Variants in CILK1 observed in about 807,000 individuals in gnomAD.
The protein encoded by CILK1 is serine/threonine-protein kinase ICK.
A neutral mutation model predicts 79.2 loss-of-function variants in CILK1; 47 were observed. That is an observed-to-expected ratio of 0.59 (90% CI 0.47 to 0.76). CILK1 has a LOEUF of 0.76. Among genes scored for constraint, CILK1 ranks in the 30% least tolerant of loss-of-function variants. The pLI is 0.00. For missense variants in CILK1, 660 were observed against 769.5 expected, an observed-to-expected ratio of 0.86 and a Z score of 1.68; for synonymous variants, 266 against 275.9, an observed-to-expected ratio of 0.96 and a Z score of 0.36.
rs1282207699 is a variant in CILK1, at chr6:53,032,718, A to G, written c.157-64T>C. On this transcript the variant is annotated intron_variant, in intron 3 of 13. Transcript: ENST00000676107. ...TAGAGAAAATCTGTTGTTGAAAAAG[A>G]AAAGTAATCCTATGTATACTTGGAA... is the stretch of plus-strand genomic sequence containing the variant. The G allele has an allele frequency of 4.4e-6, 6 of 1,369,990 alleles. No individual in the cohort carries two copies. The East Asian group carries it at 1.2e-4, about 27-fold the overall frequency. 84.9% of individuals were successfully genotyped at this position (1,369,990 alleles called of 1,614,324 possible). A position where few individuals can be genotyped will look rare whatever the true frequency, so the allele number is the denominator to read the frequency against.
chr6:53,053,549 T>C (rs73443371), intron 1 of CILK1, among the ~76,000 whole-genome samples: 7,482 of 152,222 alleles, frequency 0.049, 459 homozygotes, highest in African/African-American at 0.14. Flanking sequence ...GAGACACAAG[T>C]TACATGTCTA....
intron 1 of CILK1, among the ~76,000 whole-genome samples, chr6:53,052,977 T>G (rs1398707888): frequency 6.7e-6 from 1 of 150,094 alleles, no homozygotes; most frequent in Non-Finnish European, 1.5e-5. Context: ...TGTGCCTTCA[T>G]AGCCACTTGT....
chr6:53,023,265 T>C (rs1182751509), intron 5 of CILK1, among the ~76,000 whole-genome samples: 1 of 152,144 alleles, frequency 6.6e-6, no homozygotes, highest in African/African-American at 2.4e-5. Flanking sequence ...AGAAGCACTT[T>C]AAGGGCAGAG....
At chr6:53,045,828 G>T (rs1024413531) in intron 1 of CILK1, among the ~76,000 whole-genome samples, 55 of 112,944 alleles carry the variant, frequency 4.9e-4, no homozygotes, top group Admixed American at 5.8e-4. Flanking sequence ...AGCTTGATTT[G>T]TCAAAAAAAA....
At chr6:53,035,480 T>C (rs1686598080) in intron 3 of CILK1, among the ~76,000 whole-genome samples, 2 of 152,090 alleles carry the variant, frequency 1.3e-5, no homozygotes, top group South Asian at 2.1e-4. Context: ...TAGAACAGCA[T>C]AGTGCCATGT....
intron 11 of CILK1, among the ~76,000 whole-genome samples, chr6:53,011,435 TA>T (rs1418760763): frequency 2.0e-5 from 3 of 151,990 alleles, no homozygotes; most frequent in South Asian, 4.2e-4. Context: ...CTGTCTCTAC[TA>T]AAAAATACAA....
chr6:53,012,025 C>T lies in CILK1; in HGVS notation c.1343+12G>A, dbSNP rs1165166435. The T allele has an allele frequency of 6.2e-7, 1 of 1,613,838 alleles. No individual in the cohort carries two copies. The highest frequency in any genetic ancestry group is 1.7e-5 in the Admixed American group (1 of 60,032). ...GATTCAGTCTGTTTACAAATGTGAG[C>T]AGCACACTTGCCTGCAGAGAGTGTC... On this transcript the variant is annotated intron_variant, in intron 10 of 13. Transcript: ENST00000676107.
rs1764436702 is a variant in CILK1 at position 53,009,558 on chromosome 6, A to C, written c.1502T>G (p.Ile501Arg). ...KHSRYLPGIS[I>R]RNGILSNPGK... ...TGGATTCGAGAGTATGCCATTTCTT[A>C]TACTGATCCCTGATAGAGAAGAAAT... Residue 501 changes from isoleucine (I) to arginine (R), a missense_variant, in exon 12 of 14, where the codon ATA (isoleucine) becomes AGA (arginine). By Grantham distance (97) the Ile-to-Arg change is moderately conservative (BLOSUM62 -3). Coordinates refer to ENST00000676107, the MANE Select transcript of CILK1 (RefSeq NM_014920.5). 1 of 1,607,132 alleles carries C rather than the reference A, an allele frequency of 6.2e-7. No individual in the cohort carries two copies. Among genetic ancestry groups the C allele is most frequent in the African/African-American group, 1.3e-5 (1 of 74,896 alleles).
At chr6:53,017,056 G>A (rs1319897774) in intron 7 of CILK1, among the ~76,000 whole-genome samples, 5 of 152,316 alleles carry the variant, frequency 3.3e-5, no homozygotes, top group African/African-American at 9.6e-5. Context: ...AGAGAAAAGA[G>A]CATTTATTTA....
chr6:53,047,199 C>T (rs774088933), intron 1 of CILK1, among the ~76,000 whole-genome samples: 10 of 152,150 alleles, frequency 6.6e-5, no homozygotes, highest in Non-Finnish European at 1.2e-4. Context: ...GAGCGTAAAA[C>T]CAATTCAATG....
At chr6:53,026,649 C>T (rs993140069) in intron 5 of CILK1, among the ~76,000 whole-genome samples, 5 of 152,158 alleles carry the variant, frequency 3.3e-5, no homozygotes, top group South Asian at 2.1e-4. Flanking sequence ...AACTCTGATT[C>T]GTAGCAGGGT....
At chr6:53,027,417 G>A (rs1183383352) in intron 5 of CILK1, among the ~76,000 whole-genome samples, 1 of 152,190 alleles carries the variant, frequency 6.6e-6, no homozygotes. Flanking sequence ...GTAGAGCTGT[G>A]TTTTCATTCC....
At position 53,012,038 on chromosome 6, in the gene CILK1, T is replaced by G; in HGVS notation, c.1342A>C (p.Arg448=). 1 of 1,614,026 alleles carries G rather than the reference T, an allele frequency of 6.2e-7. No individual in the cohort carries two copies. The highest frequency in any genetic ancestry group is 8.5e-7 in the Non-Finnish European group (1 of 1,179,824). ...KKRQSDDTLC[R]FESVLDLKPS... is the part of the protein sequence containing the mutation. ...TACAAATGTGAGCAGCACACTTGCC[T>G]GCAGAGAGTGTCATCACTCTGTCTT... is the stretch of plus-strand genomic sequence containing the variant. The change falls in exon 10 of 14, where the codon AGG becomes CGG. Residue 448 remains arginine (R), a splice_region_variant and synonymous_variant. Transcript: ENST00000676107.
At chr6:53,035,533 C>T (rs1299295775) in intron 3 of CILK1, among the ~76,000 whole-genome samples, 3 of 152,138 alleles carry the variant, frequency 2.0e-5, no homozygotes, top group South Asian at 2.1e-4. Context: ...TGCCATTCCC[C>T]GCATGACATC....
rs770762510 is a variant in CILK1 at position 53,016,111 on chromosome 6, T to C, written c.803A>G (p.Asp268Gly). The change falls in exon 8 of 14, where the codon GAT becomes GGT. Residue 268 changes from aspartate to glycine, a missense_variant. Physicochemically the swap from Asp to Gly is moderately conservative, Grantham distance 94. Coordinates refer to ENST00000676107, the MANE Select transcript of CILK1 (RefSeq NM_014920.5). ...ACTAGCTGTTGGTCGTTTCTTGGGA[T>C]CCCACTGAAGCATGTCTCTCAGGAG... ...VQLLRDMLQWDPKKRPTASQA... is the reference protein window; with the variant it reads ...VQLLRDMLQWGPKKRPTASQA... 1.2e-6 allele frequency: 2 copies of C among 1,614,010 alleles called. No homozygotes were observed. The highest frequency in any genetic ancestry group is 2.7e-5 in the African/African-American group (2 of 74,926).
intron 9 of CILK1, among the ~76,000 whole-genome samples, chr6:53,013,329 G>A (rs1384236599): frequency 1.3e-5 from 2 of 152,208 alleles, no homozygotes; most frequent in African/African-American, 4.8e-5. Flanking sequence ...AGGAAAATGA[G>A]GAGCAGAGAA....
At chr6:53,010,071 T>C (rs1395548464) in intron 11 of CILK1, among the ~76,000 whole-genome samples, 2 of 152,178 alleles carry the variant, frequency 1.3e-5, no homozygotes, top group Non-Finnish European at 2.9e-5. Flanking sequence ...TCCTTCTCCT[T>C]CTTCCCCTAC....
In CILK1 at chr6:53,011,962, G is replaced by C. The variant is rs187350551; in HGVS notation, c.1344-45C>G. 6 of 1,613,702 alleles carry C rather than the reference G, an allele frequency of 3.7e-6. No individual in the cohort carries two copies. In the African/African-American group the frequency reaches 5.3e-5, roughly 14 times the overall value. On this transcript the variant is annotated intron_variant, in intron 10 of 13. Transcript: ENST00000676107. ...CTTGGGTCAGCACGAGAGACAGTAT[G>C]TATTCTCGGATATGTACCCATAATC...
intron 3 of CILK1, 49 bp downstream of exon 3, chr6:53,037,890 A>C: frequency 9.1e-7 from 1 of 1,099,034 alleles, no homozygotes; most frequent in Non-Finnish European, 1.4e-6. Context: ...AGCATGTACA[A>C]AGCTATTTTA....
Sources: gnomAD v4.1 joint callset for allele counts (sites outside exome capture counted in the v4.1 genomes callset) on GRCh38, gnomAD v4.1.1 for gene constraint, MANE v1.5 for transcripts, NCBI Gene and HGNC (gene_info 2026-07-23, HGNC 2026-07-21) for gene names.